SGPP2: variants seen among roughly 807,000 people sequenced by gnomAD.
SGPP2 encodes sphingosine-1-phosphate phosphatase 2.
A neutral mutation model predicts 33.9 loss-of-function variants in SGPP2; 30 were observed. The ratio of observed to expected loss-of-function variants is 0.89; its 90% confidence interval spans 0.66 to 1.20. The LOEUF (loss-of-function observed/expected upper bound fraction) is 1.20. Among genes scored for constraint, SGPP2 ranks in the 50% most tolerant of loss-of-function variants. SGPP2 has a pLI of 0.00. For missense variants in SGPP2, 458 were observed against 532.1 expected (o/e 0.86, Z 1.37); for synonymous variants, 233 against 225.0 (o/e 1.04, Z -0.32).
At chr2:222,470,322 T>C (rs1355187710) in intron 1 of SGPP2, among the ~76,000 whole-genome samples, 1 of 152,184 alleles carries the variant, frequency 6.6e-6, no homozygotes, top group Non-Finnish European at 1.5e-5. Flanking sequence ...TGTTGTTTTA[T>C]TTAGGTACAT....
chr2:222,466,179 C>T (rs1697741412), intron 1 of SGPP2, among the ~76,000 whole-genome samples: 1 of 151,132 alleles, frequency 6.6e-6, no homozygotes, highest in Non-Finnish European at 1.5e-5. Flanking sequence ...AACCTTACAT[C>T]ACTGAAGCAT....
rs1191163146 is a variant in SGPP2 at position 222,424,549 on chromosome 2, G to T, written c.-54G>T. On this transcript the variant is annotated 5_prime_UTR_variant, in exon 1 of 5. Coordinates refer to ENST00000321276, the MANE Select transcript of SGPP2 (RefSeq NM_152386.4). ...GCGAGGCGGGAGTGGCGGTGCCAGCGGAGGGCACCGGCCCGGCGTGGCAGC... is the reference window on the plus strand; with the variant it reads ...GCGAGGCGGGAGTGGCGGTGCCAGCTGAGGGCACCGGCCCGGCGTGGCAGC... The T allele has an allele frequency of 2.6e-6, 3 of 1,134,356 alleles. No homozygotes were observed. The highest frequency in any genetic ancestry group is 3.3e-6 in the Non-Finnish European group (3 of 905,750). The allele number at this position is 1,134,356 out of a possible 1,614,324, so 70.3% of individuals were successfully genotyped here. A position where few individuals can be genotyped will look rare whatever the true frequency, so the allele number is the denominator to read the frequency against.
At chr2:222,433,307 A>C (rs1347497589) in intron 1 of SGPP2, among the ~76,000 whole-genome samples, 1 of 152,140 alleles carries the variant, frequency 6.6e-6, no homozygotes, top group Non-Finnish European at 1.5e-5. Context: ...TTGAGGAATT[A>C]TATTATAAAC....
intron 1 of SGPP2, among the ~76,000 whole-genome samples, chr2:222,445,084 G>T (rs1253734370): frequency 6.6e-6 from 1 of 152,178 alleles, no homozygotes. Context: ...TGAGAATAAG[G>T]CCACTTCTGT....
intron 1 of SGPP2, among the ~76,000 whole-genome samples, chr2:222,435,321 G>A (rs776920213): frequency 4.6e-5 from 7 of 152,120 alleles, no homozygotes; most frequent in Non-Finnish European, 1.5e-5. Context: ...GGTGGCAGCT[G>A]ATTAGATTGT....
intron 1 of SGPP2, among the ~76,000 whole-genome samples, chr2:222,454,864 C>CT (rs1350720209): frequency 6.6e-6 from 1 of 151,990 alleles, no homozygotes; most frequent in Non-Finnish European, 1.5e-5. Flanking sequence ...TAGATGGCTA[C>CT]TTTCTAACCA....
chr2:222,491,787 A>G (rs1203899767), intron 2 of SGPP2, among the ~76,000 whole-genome samples: 1 of 152,174 alleles, frequency 6.6e-6, no homozygotes, highest in African/African-American at 2.4e-5. Flanking sequence ...GTATTAATCA[A>G]AAAATCCACA....
chr2:222,500,457 T>G (rs1698350723), intron 2 of SGPP2, among the ~76,000 whole-genome samples: 1 of 152,220 alleles, frequency 6.6e-6, no homozygotes, highest in African/African-American at 2.4e-5. Context: ...ACTCATTCTC[T>G]AGACTTTGGA....
chr2:222,541,461 C>T (rs1438558976), intron 4 of SGPP2, among the ~76,000 whole-genome samples: 4 of 152,118 alleles, frequency 2.6e-5, no homozygotes, highest in Non-Finnish European at 4.4e-5. Context: ...TCATAGAGGC[C>T]TGGTACCTAG....
intron 4 of SGPP2, among the ~76,000 whole-genome samples, chr2:222,533,381 G>A (rs181823873): frequency 5.3e-4 from 81 of 152,294 alleles, no homozygotes; most frequent in African/African-American, 1.8e-3. Context: ...TTGGACCAGT[G>A]ACCCTTGGCA....
chr2:222,424,696 C>CG lies in SGPP2; in HGVS notation c.97dup (p.Glu33GlyfsTer82), dbSNP rs1258627828. ...CTTCCCCGCTCCGGATGAAGGCCCC[C>CG]GGGAGAACGGCGCGGACCCCACGGA... is the stretch of plus-strand genomic sequence containing the variant. On this transcript the variant is annotated frameshift_variant, in exon 1 of 5. Coordinates refer to ENST00000321276, the MANE Select transcript of SGPP2 (RefSeq NM_152386.4). LOFTEE classifies it high-confidence loss of function. The CG allele has an allele frequency of 1.4e-6, 2 of 1,451,112 alleles. No individual in the cohort carries two copies. Among genetic ancestry groups the CG allele is most frequent in the African/African-American group, 2.9e-5 (2 of 67,854 alleles). The allele number at this position is 1,451,112 out of a possible 1,614,324, so 89.9% of individuals were successfully genotyped here. A position where few individuals can be genotyped will look rare whatever the true frequency, so the allele number is the denominator to read the frequency against.
chr2:222,541,772 C>T (rs570051014), intron 4 of SGPP2, among the ~76,000 whole-genome samples: 1 of 152,036 alleles, frequency 6.6e-6, no homozygotes, highest in Non-Finnish European at 1.5e-5. Flanking sequence ...TACCACCATG[C>T]CCAGCTAATT....
chr2:222,488,552 C>G (rs1171027470), intron 2 of SGPP2, among the ~76,000 whole-genome samples: 1 of 152,184 alleles, frequency 6.6e-6, no homozygotes, highest in Non-Finnish European at 1.5e-5. Context: ...GATCCCAGTG[C>G]TAAATAGGCT....
chr2:222,542,776 T>C (rs1699017151), intron 4 of SGPP2, among the ~76,000 whole-genome samples: 1 of 152,146 alleles, frequency 6.6e-6, no homozygotes, highest in Non-Finnish European at 1.5e-5. Context: ...TGGTGAGTTG[T>C]TGATCAGATA....
chr2:222,529,921 G>A (rs775613291), intron 4 of SGPP2, among the ~76,000 whole-genome samples: 1 of 152,178 alleles, frequency 6.6e-6, no homozygotes, highest in Non-Finnish European at 1.5e-5. Flanking sequence ...CTTGAAAGTA[G>A]CAATGACTCC....
intron 4 of SGPP2, among the ~76,000 whole-genome samples, chr2:222,556,450 G>GTCCACTCTCACTCCCCCCCA (rs1689401156): frequency 9.1e-6 from 1 of 110,090 alleles, no homozygotes; most frequent in Non-Finnish European, 2.0e-5. Flanking sequence ...CCCCGGCTCC[G>GTCCACTCTCACTCCCCCCCA]TCCACTCTCA....
chr2:222,544,042 TAG>T (rs1689135387), intron 4 of SGPP2, among the ~76,000 whole-genome samples: 1 of 152,222 alleles, frequency 6.6e-6, no homozygotes, highest in African/African-American at 2.4e-5. Flanking sequence ...TATCATATAT[TAG>T]ATGTATCTCT....
At position 222,561,920 on chromosome 2, in the gene SGPP2, CCTCT is replaced by C. The variant is rs78199964; in HGVS notation, c.*3027_*3030del. 0.26 allele frequency among the ~76,000 whole-genome samples: 39,902 copies of C among 151,824 alleles called. 5,562 individuals are homozygous for C. The highest frequency in any genetic ancestry group is 0.44 in the Middle Eastern group (129 of 294). On this transcript the variant is annotated 3_prime_UTR_variant, in exon 5 of 5. Coordinates refer to ENST00000321276, the MANE Select transcript of SGPP2 (RefSeq NM_152386.4). ...CACACAGCACTTTGCTCTGTTAAAT[CCTCT>C]CTCTGTCTCAGACCATTGCTTGCCC...
intron 4 of SGPP2, among the ~76,000 whole-genome samples, chr2:222,538,732 A>G (rs1420150457): frequency 6.6e-6 from 1 of 152,210 alleles, no homozygotes; most frequent in Non-Finnish European, 1.5e-5. Context: ...AAGCAGGCGC[A>G]TCTTACATGG....
Sources: allele counts gnomAD v4.1 joint callset (sites outside exome capture counted in the v4.1 genomes callset), GRCh38; gene constraint gnomAD v4.1.1; transcripts MANE v1.5; gene names NCBI Gene and HGNC (gene_info 2026-07-23, HGNC 2026-07-21).